The following PIK3C3 variants were observed in gnomAD, a reference collection of about 807,000 sequenced individuals.
PIK3C3 encodes phosphatidylinositol 3-kinase catalytic subunit type 3, also known as PI3-kinase type 3.
PIK3C3 carries 95 observed loss-of-function variants against 126.1 expected under a neutral mutation model. That is an observed-to-expected ratio of 0.75 (90% CI 0.64 to 0.89). The LOEUF (loss-of-function observed/expected upper bound fraction) is 0.89, where lower values mean the gene tolerates loss of function less well. Among genes scored for constraint, PIK3C3 ranks in the 40% least tolerant of loss-of-function variants. PIK3C3 has a pLI of 0.00. For missense variants in PIK3C3, 829 were observed against 1,063.2 expected (o/e 0.78, Z 3.06); for synonymous variants, 374 against 360.0 (o/e 1.04, Z -0.44).
At chr18:42,076,086 T>TTACATATATATATA (rs1985960901) in intron 24 of PIK3C3, among the ~76,000 whole-genome samples, 1 of 85,602 alleles carries the variant, frequency 1.2e-5, no homozygotes, top group Non-Finnish European at 2.1e-5. Flanking sequence ...CTGCTTTACC[T>TTACATATATATATA]TGCATATATA....
intron 4 of PIK3C3, among the ~76,000 whole-genome samples, chr18:41,982,026 G>A (rs952144949): frequency 7.3e-5 from 11 of 151,656 alleles, no homozygotes; most frequent in African/African-American, 2.7e-4. Context: ...GATTTGAGAC[G>A]CTTATTGTCT....
Position 41,955,302 on chromosome 18 carries a change from C to T in PIK3C3, c.11C>T (p.Ala4Val), listed in dbSNP as rs1156420067. The change falls in exon 1 of 25, where the codon GCA becomes GTA. Residue 4 changes from alanine (A) to valine (V), a missense_variant. Ala to Val is a moderately conservative substitution (Grantham distance 64). Transcript: ENST00000262039. The stretch of plus-strand genomic sequence containing the variant: ...TTTGCAGACGGTGCGATGGGGGAAG[C>T]AGAGAAGTTTCACTACATCTATAGT... Reference protein sequence around the residue: MGEAEKFHYIYSCD... With the variant: MGEVEKFHYIYSCD... The T allele has an allele frequency of 1.2e-6, 2 of 1,613,064 alleles. No homozygotes were observed. The highest frequency in any genetic ancestry group is 1.1e-5 in the South Asian group (1 of 90,978).
At chr18:42,061,556 T>G (rs1340741466) in intron 22 of PIK3C3, among the ~76,000 whole-genome samples, 1 of 152,082 alleles carries the variant, frequency 6.6e-6, no homozygotes, top group East Asian at 1.9e-4. Context: ...CACGCTAGTC[T>G]GGGTGACAGA....
At chr18:42,054,971 C>T (rs1342220955) in intron 21 of PIK3C3, among the ~76,000 whole-genome samples, 1 of 151,628 alleles carries the variant, frequency 6.6e-6, no homozygotes, top group Non-Finnish European at 1.5e-5. Flanking sequence ...TGGACTCATA[C>T]TATTAGAGAG....
chr18:41,988,593 A>C (rs1248482122), intron 5 of PIK3C3, among the ~76,000 whole-genome samples: 2 of 152,166 alleles, frequency 1.3e-5, no homozygotes, highest in Non-Finnish European at 2.9e-5. Context: ...AATGACCATA[A>C]GGCACAACTT....
rs370365936 is a variant in PIK3C3, at chr18:42,029,488, A to G, written c.1707+47A>G. ...TTGTTCCTAATAGCATCTTGGCATC[A>G]GAAAATACTGAATTTTCACTATTGT... is the stretch of plus-strand genomic sequence containing the variant. On this transcript the variant is annotated intron_variant, in intron 15 of 24. Transcript: ENST00000262039. The G allele has an allele frequency of 1.2e-5, 12 of 1,016,244 alleles. No homozygotes were observed. In the African/African-American group the frequency reaches 1.4e-4, roughly 12 times the overall value. 63.0% of individuals were successfully genotyped at this position (1,016,244 alleles called of 1,614,324 possible).
chr18:41,980,502 A>G (rs1330309783), intron 4 of PIK3C3, among the ~76,000 whole-genome samples: 1 of 152,196 alleles, frequency 6.6e-6, no homozygotes, highest in Non-Finnish European at 1.5e-5. Flanking sequence ...TATACAAAAT[A>G]TAGACAGTGT....
intron 19 of PIK3C3, 81 bp from the exon 20 acceptor site, chr18:42,043,652 C>T (rs983879511): frequency 2.3e-5 from 19 of 843,242 alleles, no homozygotes; most frequent in Non-Finnish European, 3.6e-5. Flanking sequence ...TAGACACTTG[C>T]TGGTCACTAT....
intron 13 of PIK3C3, chr18:42,026,033 C>T (rs952367177): frequency 5.3e-5 from 8 of 152,070 alleles, no homozygotes; most frequent in East Asian, 3.9e-4. Context: ...AATAAGCATC[C>T]GTGACTTGAG....
At chr18:42,056,749 C>G (rs185142038) in intron 21 of PIK3C3, among the ~76,000 whole-genome samples, 6 of 152,174 alleles carry the variant, frequency 3.9e-5, no homozygotes, top group East Asian at 1.9e-4. Context: ...AAATGGTTAA[C>G]AGAAATTGAT....
intron 21 of PIK3C3, among the ~76,000 whole-genome samples, chr18:42,055,112 G>A (rs1003946473): frequency 5.3e-5 from 8 of 151,950 alleles, no homozygotes; most frequent in Non-Finnish European, 1.0e-4. Flanking sequence ...GAAGTGTTTG[G>A]GTCATGGTGG....
intron 21 of PIK3C3, among the ~76,000 whole-genome samples, chr18:42,054,635 A>G (rs1230492878): frequency 6.6e-6 from 1 of 152,112 alleles, no homozygotes; most frequent in African/African-American, 2.4e-5. Context: ...ATTATTTTTT[A>G]GACCAAGAAA....
intron 22 of PIK3C3, among the ~76,000 whole-genome samples, chr18:42,061,210 C>T (rs925449528): frequency 6.6e-6 from 1 of 152,262 alleles, no homozygotes; most frequent in Middle Eastern, 3.4e-3. Flanking sequence ...TTCCATCTTG[C>T]AATCTTTGCT....
chr18:41,996,100 CAG>C, intron 8 of PIK3C3, 106 bp downstream of exon 8: 1 of 725,678 alleles, frequency 1.4e-6, no homozygotes, highest in South Asian at 1.6e-5. Flanking sequence ...ACATTTTCTC[CAG>C]GTTGATGAAT....
In PIK3C3 at chr18:42,085,184, A is replaced by G. The variant is rs1986374043; in HGVS notation, c.*4047A>G. Reference sequence around the variant, plus strand: ...GTACAATGTAAATACTGGTAAGTGAAAGTTCATTTTGTTCAGTGCTATGGG... The same window carrying G: ...GTACAATGTAAATACTGGTAAGTGAGAGTTCATTTTGTTCAGTGCTATGGG... On this transcript the variant is annotated 3_prime_UTR_variant, in exon 25 of 25. Coordinates refer to ENST00000262039, the MANE Select transcript of PIK3C3 (RefSeq NM_002647.4). The G allele has an allele frequency of 6.6e-6, 1 of 152,108 alleles. No individual in the cohort carries two copies. Among genetic ancestry groups the G allele is most frequent in the Non-Finnish European group, 1.5e-5 (1 of 68,018 alleles). The allele number at this position is 152,108 out of a possible 1,614,324, so 9.4% of individuals were successfully genotyped here.
intron 3 of PIK3C3, among the ~76,000 whole-genome samples, chr18:41,965,308 T>C (rs1462300772): frequency 4.6e-5 from 7 of 152,220 alleles, no homozygotes; most frequent in South Asian, 2.1e-4. Context: ...TAGGGGACTT[T>C]AGGATCTAGT....
chr18:41,969,295 A>C (rs973776881), intron 3 of PIK3C3, among the ~76,000 whole-genome samples: 2 of 152,122 alleles, frequency 1.3e-5, no homozygotes, highest in African/African-American at 4.8e-5. Flanking sequence ...GTTTGAGTAG[A>C]CTTTATGTTT....
In PIK3C3 at chr18:41,991,760, T is replaced by A. The variant is rs117405148; in HGVS notation, c.714+1206T>A. 6.2e-3 allele frequency among the ~76,000 whole-genome samples: 939 copies of A among 152,304 alleles called. 7 individuals carry two copies. The highest frequency in any genetic ancestry group is 0.011 in the Non-Finnish European group (769 of 68,004). On this transcript the variant is annotated intron_variant, in intron 6 of 24. Transcript: ENST00000262039. ...TATCCCTTTCACGTTAGTGAAAGAC[T>A]AGGAAGTGTTAACTTGTTTCTGCCT...
intron 20 of PIK3C3, among the ~76,000 whole-genome samples, chr18:42,045,106 A>G (rs993741619): frequency 2.0e-5 from 3 of 152,208 alleles, no homozygotes; most frequent in Non-Finnish European, 1.5e-5. Flanking sequence ...ATGAACTTTG[A>G]GAATATGGAA....
Sources: gnomAD v4.1 joint callset for allele counts (sites outside exome capture counted in the v4.1 genomes callset) on GRCh38, gnomAD v4.1.1 for gene constraint, MANE v1.5 for transcripts, NCBI Gene and HGNC (gene_info 2026-07-23, HGNC 2026-07-21) for gene names.